Variants in GOPC observed in about 807,000 individuals in gnomAD.
GOPC encodes Golgi-associated PDZ and coiled-coil motif-containing protein.
A neutral mutation model predicts 51.2 loss-of-function variants in GOPC; 32 were observed. That is an observed-to-expected ratio of 0.63 (90% CI 0.47 to 0.84). The LOEUF is 0.84. GOPC is among the 40% of genes least tolerant of loss of function. The probability of loss-of-function intolerance (pLI) is 0.00; values close to 1 mark genes in which losing one functional copy is unlikely to be tolerated. For missense variants in GOPC, 441 were observed against 555.5 expected (o/e 0.79, Z 2.07); for synonymous variants, 190 against 205.1 (o/e 0.93, Z 0.63).
At chr6:117,569,001 C>T (rs1482117818) in intron 7 of GOPC, among the ~76,000 whole-genome samples, 1 of 152,150 alleles carries the variant, frequency 6.6e-6, no homozygotes, top group East Asian at 1.9e-4. Flanking sequence ...ATTTTAAGTA[C>T]AACTGTATGA....
At position 117,577,338 on chromosome 6, in the gene GOPC, T is replaced by C. The variant is rs557281208; in HGVS notation, c.474+110A>G. 37 of 998,378 alleles carry C rather than the reference T, an allele frequency of 3.7e-5. No homozygotes were observed. The African/African-American group carries it at 4.8e-4, about 13-fold the overall frequency. 61.8% of individuals were successfully genotyped at this position (998,378 alleles called of 1,614,324 possible). On this transcript the variant is annotated intron_variant, in intron 3 of 8. Coordinates refer to ENST00000368498, the MANE Select transcript of GOPC (RefSeq NM_020399.4). ...GTACTGGAACATTAAAAAATTGCCA[T>C]TATTAATGCTATTTTCAAATACAAT...
At chr6:117,578,439 A>G (rs554135855) in intron 2 of GOPC, among the ~76,000 whole-genome samples, 19 of 152,154 alleles carry the variant, frequency 1.2e-4, no homozygotes, top group Admixed American at 3.3e-4. Context: ...TAAAAATGGC[A>G]GAGCACAGTG....
chr6:117,560,794 A>G lies in GOPC; in HGVS notation c.*2460T>C, dbSNP rs1779570481. 4.7e-6 allele frequency: 1 copy of G among 212,656 alleles called. No individual in the cohort carries two copies. The highest frequency in any genetic ancestry group is 5.9e-5 in the Admixed American group (1 of 17,060). 13.2% of individuals were successfully genotyped at this position (212,656 alleles called of 1,614,324 possible). On this transcript the variant is annotated 3_prime_UTR_variant, in exon 9 of 9. Coordinates refer to ENST00000368498, the MANE Select transcript of GOPC (RefSeq NM_020399.4). The stretch of plus-strand genomic sequence containing the variant: ...CACATTTTATTAAAACGTTTTCTCA[A>G]CCATTCTGTTTGTGTATACATGTGT...
chr6:117,563,221 T>G lies in GOPC; in HGVS notation c.*33A>C. ...CCAGTGCCCCAAATTCAGAATAGTC[T>G]GATTAACAATCTTGTCTGGAGATAT... On this transcript the variant is annotated 3_prime_UTR_variant, in exon 9 of 9. Coordinates refer to ENST00000368498, the MANE Select transcript of GOPC (RefSeq NM_020399.4). 3.8e-6 allele frequency: 6 copies of G among 1,597,322 alleles called. No individual in the cohort carries two copies. The highest frequency in any genetic ancestry group is 5.1e-6 in the Non-Finnish European group (6 of 1,166,536).
chr6:117,586,116 A>C (rs1167910291), intron 1 of GOPC, among the ~76,000 whole-genome samples: 2 of 152,190 alleles, frequency 1.3e-5, no homozygotes, highest in African/African-American at 4.8e-5. Flanking sequence ...TTAGGATGAA[A>C]GTACAGATTG....
chr6:117,595,165 T>C (rs1246338466), intron 1 of GOPC, among the ~76,000 whole-genome samples: 2 of 152,174 alleles, frequency 1.3e-5, no homozygotes, highest in Non-Finnish European at 2.9e-5. Flanking sequence ...CAATCACTGA[T>C]TAGTGACTGG....
chr6:117,578,103 C>A (rs1013267874), intron 2 of GOPC, among the ~76,000 whole-genome samples: 1 of 152,052 alleles, frequency 6.6e-6, no homozygotes, highest in Non-Finnish European at 1.5e-5. Flanking sequence ...ATATGTGGTA[C>A]ACAGTGGCAG....
At chr6:117,585,199 C>T (rs1051569420) in intron 1 of GOPC, among the ~76,000 whole-genome samples, 1 of 152,146 alleles carries the variant, frequency 6.6e-6, no homozygotes, top group Non-Finnish European at 1.5e-5. Context: ...TTCACAGTTT[C>T]CTATTAATCC....
intron 1 of GOPC, among the ~76,000 whole-genome samples, chr6:117,601,048 T>G (rs1771998354): frequency 6.6e-6 from 1 of 152,192 alleles, no homozygotes; most frequent in East Asian, 1.9e-4. Context: ...CGAGTAATGA[T>G]GATTTCTTAG....
chr6:117,594,123 A>C (rs747932162), intron 1 of GOPC, among the ~76,000 whole-genome samples: 1 of 152,162 alleles, frequency 6.6e-6, no homozygotes, highest in Non-Finnish European at 1.5e-5. Context: ...GCATGGCCAT[A>C]AAGTCATGTA....
chr6:117,585,751 C>T (rs1780021442), intron 1 of GOPC, among the ~76,000 whole-genome samples: 4 of 152,174 alleles, frequency 2.6e-5, no homozygotes, highest in African/African-American at 7.2e-5. Flanking sequence ...CATACACACA[C>T]CCCATACCCA....
chr6:117,593,883 C>G (rs903682194), intron 1 of GOPC, among the ~76,000 whole-genome samples: 1 of 152,098 alleles, frequency 6.6e-6, no homozygotes, highest in African/African-American at 2.4e-5. Context: ...ATTTTTACCT[C>G]TCCAGTTTCT....
Position 117,602,230 on chromosome 6 carries a change from C to T in GOPC, c.59G>A (p.Cys20Tyr). 1.2e-6 allele frequency: 2 copies of T among 1,604,822 alleles called. No individual in the cohort carries two copies. The highest frequency in any genetic ancestry group is 1.7e-4 in the Middle Eastern group (1 of 6,050). The change falls in exon 1 of 9, where the codon TGC becomes TAC. Residue 20 changes from cysteine (C) to tyrosine (Y), a missense_variant. Cys to Tyr is a radical substitution (Grantham distance 194). Around this residue, in one of 3 missense-constraint regions of GOPC, gnomAD observed 204 missense variants for 219.8 expected, o/e 0.93. Coordinates refer to ENST00000368498, the MANE Select transcript of GOPC (RefSeq NM_020399.4). Reference sequence around the variant, plus strand: ...TACCCCGCCAGGGGCCCCCACGGAGCAGGAGGCGCCCCCTGGGCCCCCTCC... The same window carrying T: ...TACCCCGCCAGGGGCCCCCACGGAGTAGGAGGCGCCCCCTGGGCCCCCTCC... Reference protein sequence around the residue: ...AAGGGPGGASCSVGAPGGVSM... With the variant: ...AAGGGPGGASYSVGAPGGVSM...
rs147175374 is a variant in GOPC at position 117,560,537 on chromosome 6, A to G, written c.*2717T>C. The G allele has an allele frequency of 3.0e-3, 577 of 194,752 alleles. 4 individuals carry two copies. Among genetic ancestry groups the G allele is most frequent in the African/African-American group, 0.012 (513 of 43,254 alleles). The allele number at this position is 194,752 out of a possible 1,614,324, so 12.1% of individuals were successfully genotyped here. On this transcript the variant is annotated 3_prime_UTR_variant, in exon 9 of 9. Transcript: ENST00000368498. ...TTTTGTTTCTAAACATGAAAACAGC[A>G]TAAGTCCACTGCAGTGGGGAAAAAA...
intron 1 of GOPC, among the ~76,000 whole-genome samples, chr6:117,599,726 G>A (rs568094325): frequency 1.3e-5 from 2 of 152,098 alleles, no homozygotes; most frequent in East Asian, 1.9e-4. Context: ...TCCTAAACCA[G>A]GACATAAAGT....
chr6:117,575,954 G>C (rs1255055463), intron 3 of GOPC, among the ~76,000 whole-genome samples: 1 of 151,914 alleles, frequency 6.6e-6, no homozygotes, highest in Non-Finnish European at 1.5e-5. Context: ...CTATTGTATG[G>C]GCACTGATTA....
intron 8 of GOPC, among the ~76,000 whole-genome samples, chr6:117,565,946 C>T (rs1779687820): frequency 6.6e-6 from 1 of 152,156 alleles, no homozygotes; most frequent in African/African-American, 2.4e-5. Flanking sequence ...TTTATGCATA[C>T]TTCCCATCTC....
At chr6:117,587,879 C>CT (rs879733530) in intron 1 of GOPC, among the ~76,000 whole-genome samples, 93 of 145,222 alleles carry the variant, frequency 6.4e-4, no homozygotes, top group South Asian at 1.5e-3. Flanking sequence ...TTTTGTTTTA[C>CT]TTTTTTTTTT....
chr6:117,575,373 T>G (rs772842760), intron 3 of GOPC, 21 bp from the exon 4 acceptor site: 84 of 1,540,222 alleles, frequency 5.5e-5, no homozygotes, highest in Non-Finnish European at 7.3e-5. Flanking sequence ...TTTAAAAGCA[T>G]ATAATTTAAT....
Sources: gnomAD v4.1 joint callset for allele counts (sites outside exome capture counted in the v4.1 genomes callset) on GRCh38, gnomAD v4.1.1 for gene constraint, gnomAD v4.1.1 regional missense constraint, MANE v1.5 for transcripts, NCBI Gene and HGNC (gene_info 2026-07-23, HGNC 2026-07-21) for gene names.